The following ATP10B variants were observed in gnomAD, a reference collection of about 807,000 sequenced individuals.
The protein encoded by ATP10B is ATPase phospholipid transporting 10B (putative).
ATP10B carries 122 observed loss-of-function variants against 141.2 expected under a neutral mutation model. The ratio of observed to expected loss-of-function variants is 0.86; its 90% CI spans 0.75 to 1.00. The LOEUF (loss-of-function observed/expected upper bound fraction) is 1.00, where lower values mean the gene tolerates loss of function less well. ATP10B is among the 50% of genes least tolerant of loss of function. The probability of loss-of-function intolerance (pLI) is 0.00; values close to 1 mark genes in which losing one functional copy is unlikely to be tolerated. For missense variants in ATP10B, 1,876 were observed against 1,825.3 expected, an observed-to-expected ratio of 1.03 and a Z score of -0.51; for synonymous variants, 685 against 692.0, an observed-to-expected ratio of 0.99 and a Z score of 0.16.
At chr5:160,689,811 C>G (rs1763965620) in intron 3 of ATP10B, among the ~76,000 whole-genome samples, 1 of 152,152 alleles carries the variant, frequency 6.6e-6, no homozygotes, top group Non-Finnish European at 1.5e-5. Flanking sequence ...AATGCTATAC[C>G]CATCAAGCTA....
chr5:160,596,906 G>A lies in ATP10B; in HGVS notation c.3564+1864C>T, dbSNP rs558946441. ...ATGAAATAAAAGAGGATACAAAGAA[G>A]TGGAAGAACATTCCATGCTCATGGG... On this transcript the variant is annotated intron_variant, in intron 22 of 25. Transcript: ENST00000327245. Among the ~76,000 whole-genome samples, 1,281 of 152,142 alleles carry A rather than the reference G, an allele frequency of 8.4e-3. 6 individuals are homozygous for A. Among genetic ancestry groups the A allele is most frequent in the Non-Finnish European group, 0.014 (918 of 67,964 alleles).
intron 24 of ATP10B, among the ~76,000 whole-genome samples, chr5:160,587,068 G>A (rs1377769325): frequency 6.6e-6 from 1 of 152,124 alleles, no homozygotes; most frequent in Non-Finnish European, 1.5e-5. Context: ...TTCTTCTAGG[G>A]CTTTTATGGT....
the ATP10B span, among the ~76,000 whole-genome samples, chr5:160,910,814 C>T: frequency 6.6e-6 from 1 of 152,134 alleles, no homozygotes; most frequent in African/African-American, 2.4e-5. Context: ...ATAATACCTG[C>T]TATTTGGATA....
intron 2 of ATP10B, among the ~76,000 whole-genome samples, chr5:160,783,551 T>A: frequency 9.2e-6 from 1 of 108,698 alleles, no homozygotes; most frequent in South Asian, 3.0e-4. Flanking sequence ...ATATATATCA[T>A]ATATATATGA....
At chr5:160,672,842 G>C (rs900116620) in intron 6 of ATP10B, among the ~76,000 whole-genome samples, 9 of 152,158 alleles carry the variant, frequency 5.9e-5, no homozygotes, top group Non-Finnish European at 7.3e-5. Context: ...GGAGGAAGAG[G>C]GTTTTGGTGT....
chr5:160,662,994 T>G (rs1304600333), intron 7 of ATP10B, among the ~76,000 whole-genome samples: 2 of 152,188 alleles, frequency 1.3e-5, no homozygotes, highest in Non-Finnish European at 2.9e-5. Context: ...GAACAGACAC[T>G]TCTCAAAAGA....
At chr5:160,648,725 C>T (rs1036305938) in intron 8 of ATP10B, among the ~76,000 whole-genome samples, 1 of 152,086 alleles carries the variant, frequency 6.6e-6, no homozygotes, top group Non-Finnish European at 1.5e-5. Context: ...TGGAAACAGG[C>T]TCAGAGAGGT....
At position 160,673,010 on chromosome 5, in the gene ATP10B, A is replaced by G. The variant is rs1343780415; in HGVS notation, c.471-2343T>C. ...CCAAGTCTATAAAATAAACAGGGACATTGGAATTGGGGAGCAACTTTAGAA... is the reference window on the plus strand; with the variant it reads ...CCAAGTCTATAAAATAAACAGGGACGTTGGAATTGGGGAGCAACTTTAGAA... On this transcript the variant is annotated intron_variant, in intron 6 of 25. Coordinates refer to ENST00000327245, the MANE Select transcript of ATP10B (RefSeq NM_025153.3). Among the ~76,000 whole-genome samples the G allele has an allele frequency of 2.0e-5, 3 of 152,348 alleles. No individual in the cohort carries two copies. The East Asian group carries it at 5.8e-4, about 29-fold the overall frequency.
chr5:160,569,995 A>G (rs370074663), intron 24 of ATP10B, among the ~76,000 whole-genome samples: 1 of 152,138 alleles, frequency 6.6e-6, no homozygotes, highest in Non-Finnish European at 1.5e-5. Flanking sequence ...ATGGATAAAT[A>G]GAATCATGTT....
chr5:160,912,970 GAGGACATGC>G, the ATP10B span, among the ~76,000 whole-genome samples: 1 of 152,242 alleles, frequency 6.6e-6, no homozygotes, highest in Non-Finnish European at 1.5e-5. Flanking sequence ...CGTGGGACAA[GAGGACATGC>G]TGGCCATGAC....
intron 1 of ATP10B, among the ~76,000 whole-genome samples, chr5:160,792,200 C>T (rs1383034726): frequency 2.0e-5 from 3 of 152,076 alleles, no homozygotes; most frequent in Non-Finnish European, 4.4e-5. Context: ...TGTATGTGAG[C>T]GTATTTACTG....
intron 1 of ATP10B, among the ~76,000 whole-genome samples, chr5:160,797,956 A>G (rs1209356355): frequency 1.3e-5 from 2 of 151,758 alleles, no homozygotes; most frequent in Non-Finnish European, 2.9e-5. Flanking sequence ...AAGAAAAAAA[A>G]AAAAAAAGAG....
intron 17 of ATP10B, chr5:160,613,820 G>A (rs1719281522): frequency 6.6e-6 from 1 of 152,198 alleles, no homozygotes; most frequent in African/African-American, 2.4e-5. Flanking sequence ...GTTGCTAAGT[G>A]ATTAAGCAAA....
intron 2 of ATP10B, among the ~76,000 whole-genome samples, chr5:160,784,946 G>A (rs938148456): frequency 6.6e-6 from 1 of 152,112 alleles, no homozygotes; most frequent in South Asian, 2.1e-4. Context: ...TTCAGGGAAT[G>A]TGAGTCCCAT....
chr5:160,922,993 AT>A, the ATP10B span, among the ~76,000 whole-genome samples: 1 of 152,218 alleles, frequency 6.6e-6, no homozygotes, highest in Non-Finnish European at 1.5e-5. Context: ...AAGCACAAGT[AT>A]TTGTTTGGAA....
chr5:160,598,679 G>A, intron 22 of ATP10B, 91 bp downstream of exon 22: 1 of 1,180,698 alleles, frequency 8.5e-7, no homozygotes, highest in South Asian at 1.4e-5. Context: ...TCTGACCCCA[G>A]CATACAGCTC....
At chr5:160,662,742 A>G (rs1278513973) in intron 7 of ATP10B, among the ~76,000 whole-genome samples, 1 of 152,220 alleles carries the variant, frequency 6.6e-6, no homozygotes, top group Non-Finnish European at 1.5e-5. Flanking sequence ...ATGGGCAAGG[A>G]CTTCATGTCT....
the ATP10B span, among the ~76,000 whole-genome samples, chr5:160,867,726 T>G: frequency 1.1e-4 from 17 of 152,166 alleles, no homozygotes; most frequent in Non-Finnish European, 1.9e-4. Context: ...TGGTTGTGTT[T>G]TAGTATAATA....
the ATP10B span, among the ~76,000 whole-genome samples, chr5:160,881,337 T>A: frequency 6.6e-6 from 1 of 152,208 alleles, no homozygotes; most frequent in African/African-American, 2.4e-5. Flanking sequence ...CCTTCACTAC[T>A]GGTGGAAATG....
Sources: allele counts gnomAD v4.1 joint callset (sites outside exome capture counted in the v4.1 genomes callset), GRCh38; gene constraint gnomAD v4.1.1; transcripts MANE v1.5; gene names NCBI Gene and HGNC (gene_info 2026-07-23, HGNC 2026-07-21).